UBAP2: variants seen among roughly 807,000 people sequenced by gnomAD.
UBAP2 encodes the protein ubiquitin-associated protein 2.
In UBAP2, 75 loss-of-function variants were observed where a neutral mutation model predicts 139.6. The observed-to-expected ratio is 0.54, with a 90% confidence interval of 0.45 to 0.65. The LOEUF (loss-of-function observed/expected upper bound fraction) is 0.65. Among genes scored for constraint, UBAP2 ranks in the 30% least tolerant of loss-of-function variants. The pLI is 0.00. For missense variants in UBAP2, 1,368 were observed against 1,369.6 expected, an observed-to-expected ratio of 1.00 and a Z score of 0.02; for synonymous variants, 526 against 526.2, an observed-to-expected ratio of 1.00 and a Z score of 0.01.
At chr9:34,047,078 C>G (rs1288306815) in intron 1 of UBAP2, among the ~76,000 whole-genome samples, 3 of 152,132 alleles carry the variant, frequency 2.0e-5, no homozygotes, top group Non-Finnish European at 4.4e-5. Flanking sequence ...TTCCCATGGC[C>G]TCATTCTCTC....
At chr9:33,925,783 T>C (rs574810072) in intron 22 of UBAP2, among the ~76,000 whole-genome samples, 1 of 152,342 alleles carries the variant, frequency 6.6e-6, no homozygotes, top group African/African-American at 2.4e-5. Flanking sequence ...AAGGCATCAC[T>C]GCACAAGGGA....
Position 33,933,605 on chromosome 9 carries a change from AG to A in UBAP2, c.1992del (p.Ser665LeufsTer6). 1 of 1,613,960 alleles carries A rather than the reference AG, an allele frequency of 6.2e-7. No homozygotes were observed. On this transcript the variant is annotated frameshift_variant, in exon 18 of 29. Transcript: ENST00000379238. LOFTEE classifies it high-confidence loss of function. The part of the protein sequence containing the change: ...TLDTPKTTGP[P>X]SALPSVSSLP... Reference sequence around the variant, plus strand: ...AGGGAGCTCACAGACGGGAGGGCAGAGGGAGGGCCTGTTGTCTTTGGAGCTG... The same window carrying A: ...AGGGAGCTCACAGACGGGAGGGCAGAGGAGGGCCTGTTGTCTTTGGAGCTG...
At chr9:33,937,664 T>G (rs183234680) in intron 16 of UBAP2, among the ~76,000 whole-genome samples, 2 of 147,956 alleles carry the variant, frequency 1.4e-5, no homozygotes, top group East Asian at 3.9e-4. Context: ...TCCTGGCACG[T>G]TGGGCAGCTG....
intron 16 of UBAP2, among the ~76,000 whole-genome samples, chr9:33,937,765 A>G (rs1370349938): frequency 2.7e-5 from 4 of 150,514 alleles, no homozygotes; most frequent in Non-Finnish European, 5.9e-5. Context: ...CAAAAAAAAA[A>G]AAAAAAATTA....
chr9:33,988,133 C>T (rs992228304), intron 5 of UBAP2, among the ~76,000 whole-genome samples: 8 of 152,186 alleles, frequency 5.3e-5, no homozygotes, highest in Non-Finnish European at 7.4e-5. Context: ...ATAATTTCTA[C>T]ATAACATCAT....
At chr9:34,020,769 C>G (rs1824872875) in intron 1 of UBAP2, among the ~76,000 whole-genome samples, 1 of 151,932 alleles carries the variant, frequency 6.6e-6, no homozygotes, top group Non-Finnish European at 1.5e-5. Flanking sequence ...ACGCCATTCT[C>G]CTGCCTCAGC....
At chr9:33,973,096 C>A (rs1184614537) in intron 7 of UBAP2, 87 bp downstream of exon 7, 15 of 1,155,756 alleles carry the variant, frequency 1.3e-5, no homozygotes, top group Non-Finnish European at 1.5e-5. Flanking sequence ...ACCATGATGA[C>A]TAAATTAGAT....
Position 33,926,903 on chromosome 9 carries a change from C to A in UBAP2, c.2463+86G>T. On this transcript the variant is annotated intron_variant, in intron 21 of 28. Coordinates refer to ENST00000379238, the MANE Select transcript of UBAP2 (RefSeq NM_001370062.2). ...TGGAAGGGCAGCTCAAGGTGGGCAA[C>A]CTGGGCCCAACGCCAGGTTCCTGCC... 7 of 1,390,266 alleles carry A rather than the reference C, an allele frequency of 5.0e-6. No homozygotes were observed. The South Asian group carries it at 8.2e-5, about 16-fold the overall frequency. 86.1% of individuals were successfully genotyped at this position (1,390,266 alleles called of 1,614,324 possible).
intron 11 of UBAP2, among the ~76,000 whole-genome samples, chr9:33,954,047 C>G (rs766924845): frequency 1.1e-4 from 17 of 152,118 alleles, no homozygotes; most frequent in Non-Finnish European, 2.2e-4. Context: ...GCTGGGATTA[C>G]AGGCGTGTGC....
chr9:34,022,431 C>T (rs534011073), intron 1 of UBAP2, among the ~76,000 whole-genome samples: 2 of 118,714 alleles, frequency 1.7e-5, no homozygotes, highest in African/African-American at 6.8e-5. Flanking sequence ...ACAGCAAGAC[C>T]CCTTTTTTTT....
At chr9:33,953,537 AG>A in intron 11 of UBAP2, 63 bp from the exon 12 acceptor site, 1 of 1,499,088 alleles carries the variant, frequency 6.7e-7, no homozygotes. Flanking sequence ...AATGAATGTG[AG>A]AAGTCAATCA....
chr9:33,922,579 G>A lies in UBAP2; in HGVS notation c.3285C>T (p.Ser1095=). ...QDAQSGSGQR[S]QPSSLQPKSQ... ...ACTTGGGCTGCAGGGAGCTGGGCTG[G>A]CTGCGCTGACCCGAGCCACTCTGAG... The change falls in exon 29 of 29, where the codon AGC becomes AGT. Residue 1095 remains serine (S), a synonymous_variant. Coordinates refer to ENST00000379238, the MANE Select transcript of UBAP2 (RefSeq NM_001370062.2). 3.7e-6 allele frequency: 6 copies of A among 1,613,540 alleles called. No homozygotes were observed. The highest frequency in any genetic ancestry group is 5.1e-6 in the Non-Finnish European group (6 of 1,179,856).
chr9:33,922,478 C>T lies in UBAP2; in HGVS notation c.*26G>A. 2 of 1,607,168 alleles carry T rather than the reference C, an allele frequency of 1.2e-6. No homozygotes were observed. The highest frequency in any genetic ancestry group is 1.7e-6 in the Non-Finnish European group (2 of 1,175,918). On this transcript the variant is annotated 3_prime_UTR_variant, in exon 29 of 29. Coordinates refer to ENST00000379238, the MANE Select transcript of UBAP2 (RefSeq NM_001370062.2). ...TCTCTCCTGCCCAGGATAAGCCTTG[C>T]CCCAGCCCACCCCTCTCTTCTGGGT...
chr9:34,036,158 A>G (rs961483398), intron 1 of UBAP2, among the ~76,000 whole-genome samples: 1 of 149,678 alleles, frequency 6.7e-6, no homozygotes, highest in African/African-American at 2.5e-5. Context: ...CTTGTTGCCC[A>G]GGCTGGAGTA....
chr9:33,987,430 A>G (rs1252287695), intron 5 of UBAP2, among the ~76,000 whole-genome samples: 1 of 151,982 alleles, frequency 6.6e-6, no homozygotes, highest in Non-Finnish European at 1.5e-5. Context: ...TACAACATAC[A>G]AAATACAAAA....
chr9:33,923,305 G>A lies in UBAP2; in HGVS notation c.2897-12C>T, dbSNP rs759997508. On this transcript the variant is annotated splice_polypyrimidine_tract_variant and intron_variant, in intron 25 of 28. Transcript: ENST00000379238. The stretch of plus-strand genomic sequence containing the variant: ...CAGGTCGTCATAACCTAGCGTGGCA[G>A]GGTACAAGAGGCAAGTGTGAGCCAG... The A allele has an allele frequency of 6.2e-7, 1 of 1,614,102 alleles. No individual in the cohort carries two copies. The highest frequency in any genetic ancestry group is 8.5e-7 in the Non-Finnish European group (1 of 1,179,932).
Position 33,941,345 on chromosome 9 carries a change from C to A in UBAP2, c.1929+304G>T, listed in dbSNP as rs536783596. 2.6e-5 allele frequency among the ~76,000 whole-genome samples: 4 copies of A among 152,280 alleles called. No individual in the cohort carries two copies. The East Asian group carries it at 7.7e-4, about 29-fold the overall frequency. ...TGGGGCAATCAGAGAGAAAGCAGTA[C>A]ATGAAATATTCAGAGATATTTCAGA... On this transcript the variant is annotated intron_variant, in intron 16 of 28. Coordinates refer to ENST00000379238, the MANE Select transcript of UBAP2 (RefSeq NM_001370062.2).
At chr9:34,013,602 C>T (rs996548246) in intron 2 of UBAP2, among the ~76,000 whole-genome samples, 1 of 151,826 alleles carries the variant, frequency 6.6e-6, no homozygotes, top group African/African-American at 2.4e-5. Context: ...ACCGGCAGGG[C>T]GTGGTAACTC....
intron 16 of UBAP2, among the ~76,000 whole-genome samples, chr9:33,936,687 A>T (rs1480970077): frequency 6.6e-6 from 1 of 152,180 alleles, no homozygotes; most frequent in Non-Finnish European, 1.5e-5. Flanking sequence ...TAAAGGAGAC[A>T]ATACCACTAT....
Sources: allele counts gnomAD v4.1 joint callset (sites outside exome capture counted in the v4.1 genomes callset), GRCh38; gene constraint gnomAD v4.1.1; transcripts MANE v1.5; gene names NCBI Gene and HGNC (gene_info 2026-07-23, HGNC 2026-07-21).